ZNF589: variants seen among roughly 807,000 people sequenced by gnomAD.
ZNF589 encodes KRAB-zinc finger protein SZF1-1.
ZNF589 carries 17 observed loss-of-function variants against 13.6 expected under a neutral mutation model. That is an observed-to-expected ratio of 1.25 (90% CI 0.86 to 1.88). The LOEUF (loss-of-function observed/expected upper bound fraction) is 1.88. Ranked by LOEUF, ZNF589 falls within the 40% of genes most tolerant of loss-of-function variation. The pLI is 0.00. For missense variants in ZNF589, 407 were observed against 434.0 expected (o/e 0.94, Z 0.55); for synonymous variants, 148 against 161.6 (o/e 0.92, Z 0.64).
chr3:48,265,972 T>C lies in ZNF589; in HGVS notation c.224-1943T>C, dbSNP rs182343656. On this transcript the variant is annotated intron_variant, in intron 3 of 3. Transcript: ENST00000354698. ...TAAAGACCAAATGTAATGCTGGTATTATTTCATAGATCGGGAAATTGAAGT... is the reference window on the plus strand; with the variant it reads ...TAAAGACCAAATGTAATGCTGGTATCATTTCATAGATCGGGAAATTGAAGT... Among the ~76,000 whole-genome samples, 207 of 152,312 alleles carry C rather than the reference T, an allele frequency of 1.4e-3. 3 individuals carry two copies. Among genetic ancestry groups the C allele is most frequent in the Admixed American group, 0.013 (198 of 15,284 alleles).
intron 3 of ZNF589, 77 bp from the exon 4 acceptor site, chr3:48,267,838 G>C (rs1472141834): frequency 7.0e-7 from 1 of 1,419,614 alleles, no homozygotes; most frequent in African/African-American, 1.4e-5. Flanking sequence ...ATGATTAATG[G>C]GCCAGGTCTT....
chr3:48,266,545 G>A (rs1399737168), intron 3 of ZNF589, among the ~76,000 whole-genome samples: 1 of 152,230 alleles, frequency 6.6e-6, no homozygotes, highest in African/African-American at 2.4e-5. Flanking sequence ...GCCAAATAGG[G>A]CCGGGCGCCG....
intron 3 of ZNF589, among the ~76,000 whole-genome samples, chr3:48,262,782 C>T (rs1412250778): frequency 6.6e-6 from 1 of 151,880 alleles, no homozygotes; most frequent in African/African-American, 2.4e-5. Context: ...TAGATAATAT[C>T]GTAATTTTTG....
intron 3 of ZNF589, among the ~76,000 whole-genome samples, chr3:48,262,908 G>T (rs1006831620): frequency 6.6e-6 from 1 of 152,032 alleles, no homozygotes; most frequent in Admixed American, 6.6e-5. Flanking sequence ...TTGAGTAACC[G>T]CTTGCGTAGC....
chr3:48,267,797 A>G, intron 3 of ZNF589, 118 bp from the exon 4 acceptor site: 1 of 1,054,172 alleles, frequency 9.5e-7, no homozygotes, highest in South Asian at 1.7e-5. Context: ...TGCACAGCAC[A>G]TCTTGGGGAG....
In ZNF589 at chr3:48,244,304, G is replaced by C. The variant is rs183768287; in HGVS notation, c.43+3090G>C. Among the ~76,000 whole-genome samples the C allele has an allele frequency of 2.0e-3, 309 of 152,054 alleles. 3 individuals carry two copies. The highest frequency in any genetic ancestry group is 6.9e-3 in the African/African-American group (287 of 41,362). The stretch of plus-strand genomic sequence containing the variant: ...GGGAGTGGCCAAATAATGGTACTCA[G>C]TTTTTCTTCTTCTAAAACTTTAGAA... On this transcript the variant is annotated intron_variant, in intron 1 of 3. Transcript: ENST00000354698.
At chr3:48,241,365 G>A (rs1028615465) in intron 1 of ZNF589, 151 bp downstream of exon 1, 2 of 956,354 alleles carry the variant, frequency 2.1e-6, no homozygotes, top group East Asian at 2.6e-5. Context: ...CCCCTGGGGG[G>A]CCAGGTTCCT....
intron 2 of ZNF589, among the ~76,000 whole-genome samples, chr3:48,250,022 G>A (rs1380415677): frequency 6.6e-6 from 1 of 151,946 alleles, no homozygotes; most frequent in Non-Finnish European, 1.5e-5. Flanking sequence ...CAGTTACTCA[G>A]GAGGCTGAGG....
chr3:48,241,263 AG>A (rs2033694042), intron 1 of ZNF589, 49 bp downstream of exon 1: 1 of 1,600,664 alleles, frequency 6.2e-7, no homozygotes, highest in Non-Finnish European at 8.5e-7. Flanking sequence ...CTCCAGCCGC[AG>A]GCGCCGCGCA....
intron 3 of ZNF589, among the ~76,000 whole-genome samples, chr3:48,263,379 GGATTACCGGCGTGAGCC>G (rs1351620535): frequency 1.3e-5 from 2 of 152,118 alleles, no homozygotes; most frequent in African/African-American, 2.4e-5. Flanking sequence ...CAAAGTGTTG[GGATTACCGGCGTGAGCC>G]GCCACGCCCG....
At chr3:48,263,128 A>G (rs972814875) in intron 3 of ZNF589, among the ~76,000 whole-genome samples, 2 of 149,666 alleles carry the variant, frequency 1.3e-5, no homozygotes, top group Non-Finnish European at 3.0e-5. Context: ...TTTTTTTTTG[A>G]GACGGAGTTT....
rs1485243887 is a variant in ZNF589, at chr3:48,260,844, T to A, written c.128T>A (p.Leu43His). 6.2e-7 allele frequency: 1 copy of A among 1,614,218 alleles called. No individual in the cohort carries two copies. The highest frequency in any genetic ancestry group is 2.2e-5 in the East Asian group (1 of 44,890). ...GPVTFEDVAV[L>H]FTEAEWKRLS... is the part of the protein sequence containing the mutation. ...GTGACTTTCGAGGATGTGGCTGTGC[T>A]TTTCACTGAGGCAGAGTGGAAGAGA... Residue 43 changes from leucine to histidine, a missense_variant, in exon 3 of 4, where the codon CTT becomes CAT. Transcript: ENST00000354698.
chr3:48,249,942 A>G (rs2033819060), intron 2 of ZNF589, among the ~76,000 whole-genome samples: 1 of 152,192 alleles, frequency 6.6e-6, no homozygotes, highest in Non-Finnish European at 1.5e-5. Flanking sequence ...AACCTGGCCA[A>G]CATGGTGAAA....
intron 3 of ZNF589, among the ~76,000 whole-genome samples, chr3:48,267,532 G>A (rs2034032669): frequency 6.6e-6 from 1 of 152,074 alleles, no homozygotes; most frequent in Non-Finnish European, 1.5e-5. Context: ...GAGTAGCTGG[G>A]ACTACAGGCG....
chr3:48,248,960 C>G (rs559595312), intron 2 of ZNF589, among the ~76,000 whole-genome samples: 1 of 152,302 alleles, frequency 6.6e-6, no homozygotes, highest in South Asian at 2.1e-4. Context: ...TTGTACCAGT[C>G]TCTAGGGCAG....
At chr3:48,246,387 T>G (rs1559979344) in intron 1 of ZNF589, among the ~76,000 whole-genome samples, 1 of 152,240 alleles carries the variant, frequency 6.6e-6, no homozygotes, top group Non-Finnish European at 1.5e-5. Flanking sequence ...AATGCTGTTG[T>G]AATGGTCTTT....
intron 2 of ZNF589, among the ~76,000 whole-genome samples, chr3:48,252,674 T>C (rs1312678218): frequency 1.4e-5 from 2 of 141,380 alleles, no homozygotes; most frequent in Non-Finnish European, 3.0e-5. Flanking sequence ...CAGGCTGGAG[T>C]GCAGTGGCAG....
chr3:48,260,930 GTC>G lies in ZNF589; in HGVS notation c.217_218del (p.Ser73IlefsTer28), dbSNP rs759563907. On this transcript the variant is annotated frameshift_variant, in exon 3 of 4. Coordinates refer to ENST00000354698, the MANE Select transcript of ZNF589 (RefSeq NM_016089.3). LOFTEE classifies it low-confidence loss of function (END_TRUNC). Reference sequence around the variant, plus strand: ...GATGCTGGAAAATCTCAGGAATCTGGTCTCATTGGGTAAGGACATGTTCTCTT... The same window carrying G: ...GATGCTGGAAAATCTCAGGAATCTGGTCATTGGGTAAGGACATGTTCTCTT... ...EVMLENLRNLVSLAESKPEVH... is the reference protein window; with the variant it reads ...EVMLENLRNLXSLAESKPEVH... 26 of 1,613,988 alleles carry G rather than the reference GTC, an allele frequency of 1.6e-5. No homozygotes were observed. In the African/African-American group the frequency reaches 3.5e-4, roughly 22 times the overall value.
Position 48,269,166 on chromosome 3 carries a change from G to T in ZNF589, c.*380G>T. On this transcript the variant is annotated 3_prime_UTR_variant, in exon 4 of 4. Coordinates refer to ENST00000354698, the MANE Select transcript of ZNF589 (RefSeq NM_016089.3). ...AAGTCCGCTCTTAGTGTACATCAGAGGATACACTCTGGGGAGAAGCCTTAT... is the reference window on the plus strand; with the variant it reads ...AAGTCCGCTCTTAGTGTACATCAGATGATACACTCTGGGGAGAAGCCTTAT... 1.0e-6 allele frequency: 1 copy of T among 952,980 alleles called. No individual in the cohort carries two copies. The highest frequency in any genetic ancestry group is 1.6e-6 in the Non-Finnish European group (1 of 626,130). The allele number at this position is 952,980 out of a possible 1,614,324, so 59.0% of individuals were successfully genotyped here. A position where few individuals can be genotyped will look rare whatever the true frequency, so the allele number is the denominator to read the frequency against.
Sources: gnomAD v4.1 joint callset for allele counts (sites outside exome capture counted in the v4.1 genomes callset) on GRCh38, gnomAD v4.1.1 for gene constraint, MANE v1.5 for transcripts, NCBI Gene and HGNC (gene_info 2026-07-23, HGNC 2026-07-21) for gene names.